TMEFF2: variants seen among roughly 807,000 people sequenced by gnomAD.
The protein encoded by TMEFF2 is transmembrane protein with EGF like and two follistatin like domains 2, also known as tomoregulin-2.
Under a neutral mutation model 53.8 loss-of-function variants are expected in TMEFF2, and 28 were observed. That is an observed-to-expected ratio of 0.52 (90% CI 0.39 to 0.71). TMEFF2 has a LOEUF of 0.71. Among genes scored for constraint, TMEFF2 ranks in the 30% least tolerant of loss-of-function variants. The probability of loss-of-function intolerance (pLI) is 0.00; values close to 1 mark genes in which losing one functional copy is unlikely to be tolerated. For synonymous variants in TMEFF2, 162 were observed against 166.3 expected, an observed-to-expected ratio of 0.97 and a Z score of 0.20; for missense variants, 353 against 455.2, an observed-to-expected ratio of 0.78 and a Z score of 2.04.
At chr2:192,125,446 C>G (rs974943398) in intron 4 of TMEFF2, among the ~76,000 whole-genome samples, 1 of 151,932 alleles carries the variant, frequency 6.6e-6, no homozygotes, top group Non-Finnish European at 1.5e-5. Context: ...TGGGTTTTTC[C>G]ACTTAGACAT....
intron 4 of TMEFF2, among the ~76,000 whole-genome samples, chr2:192,068,022 C>T (rs1469278482): frequency 6.6e-6 from 1 of 151,886 alleles, no homozygotes; most frequent in Non-Finnish European, 1.5e-5. Context: ...ATTAATTAAT[C>T]TAAATGCACT....
chr2:192,057,483 C>G (rs2105903239), intron 5 of TMEFF2, among the ~76,000 whole-genome samples, 196 bp downstream of exon 5: 1 of 152,126 alleles, frequency 6.6e-6, no homozygotes, highest in East Asian at 1.9e-4. Context: ...CAAGTAATGC[C>G]ATGGATAGCT....
At chr2:191,975,139 AT>A (rs1400296393) in intron 7 of TMEFF2, among the ~76,000 whole-genome samples, 3 of 151,514 alleles carry the variant, frequency 2.0e-5, no homozygotes, top group Admixed American at 6.6e-5. Flanking sequence ...AATTAAAAAA[AT>A]ATATAGGAAA....
chr2:192,052,113 A>G (rs539156149), intron 5 of TMEFF2, among the ~76,000 whole-genome samples: 71 of 152,354 alleles, frequency 4.7e-4, no homozygotes, highest in Admixed American at 1.6e-3. Context: ...AGAGAATACT[A>G]CAAAAGCAAA....
intron 4 of TMEFF2, among the ~76,000 whole-genome samples, chr2:192,073,632 T>C (rs1294789854): frequency 6.6e-6 from 1 of 151,966 alleles, no homozygotes; most frequent in African/African-American, 2.4e-5. Context: ...AATGATACAA[T>C]ATCCATATCT....
At chr2:192,138,382 G>A (rs1030918458) in intron 4 of TMEFF2, among the ~76,000 whole-genome samples, 1 of 152,214 alleles carries the variant, frequency 6.6e-6, no homozygotes, top group Non-Finnish European at 1.5e-5. Context: ...ATGTAGGGAT[G>A]ATGCTTTACA....
At chr2:191,991,672 A>G (rs113091547) in intron 7 of TMEFF2, among the ~76,000 whole-genome samples, 23 of 152,218 alleles carry the variant, frequency 1.5e-4, no homozygotes, top group African/African-American at 5.5e-4. Flanking sequence ...TATGGCAGAG[A>G]AGAGTAGATA....
chr2:191,969,812 T>G (rs1165248671), intron 7 of TMEFF2, among the ~76,000 whole-genome samples: 1 of 152,172 alleles, frequency 6.6e-6, no homozygotes, highest in Non-Finnish European at 1.5e-5. Context: ...ATAAAATTAT[T>G]TAAAGAAACA....
At chr2:192,012,875 A>T (rs1224432417) in intron 5 of TMEFF2, among the ~76,000 whole-genome samples, 1 of 152,212 alleles carries the variant, frequency 6.6e-6, no homozygotes, top group Non-Finnish European at 1.5e-5. Context: ...AATGTATACA[A>T]ATTAAAAATA....
rs1574234843 is a variant in TMEFF2, at chr2:191,949,248, C to G, written c.*1063G>C. On this transcript the variant is annotated 3_prime_UTR_variant, in exon 10 of 10. Coordinates refer to ENST00000272771, the MANE Select transcript of TMEFF2 (RefSeq NM_016192.4). ...ATACCAACTTCCCAGTGAGGTCTTTCAGATGCTATAGGATTAATTTTCTTT... is the reference window on the plus strand; with the variant it reads ...ATACCAACTTCCCAGTGAGGTCTTTGAGATGCTATAGGATTAATTTTCTTT... The G allele has an allele frequency of 1.0e-6, 1 of 985,352 alleles. No individual in the cohort carries two copies. Among genetic ancestry groups the G allele is most frequent in the Middle Eastern group, 5.2e-4 (1 of 1,914 alleles). 61.0% of individuals were successfully genotyped at this position (985,352 alleles called of 1,614,324 possible).
At chr2:191,984,501 C>CTGAAATGAGGGAA (rs1356020895) in intron 7 of TMEFF2, among the ~76,000 whole-genome samples, 3 of 152,090 alleles carry the variant, frequency 2.0e-5, no homozygotes, top group African/African-American at 7.2e-5. Context: ...AATGAAATCC[C>CTGAAATGAGGGAA]TGAAATGAGG....
At chr2:192,168,883 C>G (rs985654760) in intron 4 of TMEFF2, among the ~76,000 whole-genome samples, 1 of 151,738 alleles carries the variant, frequency 6.6e-6, no homozygotes, top group Admixed American at 6.6e-5. Flanking sequence ...TGTTACATTG[C>G]CCAGGCTAGA....
intron 5 of TMEFF2, among the ~76,000 whole-genome samples, chr2:192,027,062 C>T (rs1012366277): frequency 6.6e-6 from 1 of 152,106 alleles, no homozygotes; most frequent in African/African-American, 2.4e-5. Flanking sequence ...TCACCCCTAA[C>T]AATAACTTAA....
chr2:192,144,490 A>G (rs1342123578), intron 4 of TMEFF2, among the ~76,000 whole-genome samples: 1 of 152,026 alleles, frequency 6.6e-6, no homozygotes, highest in East Asian at 1.9e-4. Context: ...ATCTTTAGCA[A>G]TTTTAGCTTA....
chr2:192,120,264 T>G (rs974094665), intron 4 of TMEFF2, among the ~76,000 whole-genome samples: 2 of 152,204 alleles, frequency 1.3e-5, no homozygotes, highest in African/African-American at 4.8e-5. Flanking sequence ...TGAAAAGCTA[T>G]GGCAGACCTT....
intron 4 of TMEFF2, among the ~76,000 whole-genome samples, chr2:192,127,264 T>C (rs1689699260): frequency 6.6e-6 from 1 of 152,204 alleles, no homozygotes; most frequent in Non-Finnish European, 1.5e-5. Context: ...CAAGGTATAA[T>C]TTTGTAAATG....
chr2:191,971,484 T>G (rs960308966), intron 7 of TMEFF2, among the ~76,000 whole-genome samples: 3 of 152,152 alleles, frequency 2.0e-5, no homozygotes, highest in African/African-American at 7.2e-5. Flanking sequence ...AATATGACAT[T>G]GATAAATCAA....
intron 4 of TMEFF2, among the ~76,000 whole-genome samples, chr2:192,119,867 A>G (rs1237942450): frequency 6.6e-6 from 1 of 152,192 alleles, no homozygotes; most frequent in African/African-American, 2.4e-5. Flanking sequence ...AACATTATCA[A>G]CTTTGCTGCA....
chr2:191,964,360 C>CTT (rs1382552112), intron 7 of TMEFF2, among the ~76,000 whole-genome samples: 3 of 102,908 alleles, frequency 2.9e-5, no homozygotes, highest in African/African-American at 8.9e-5. Flanking sequence ...TTCTTTCTTT[C>CTT]TTTCTTTCTT....
Sources: allele counts gnomAD v4.1 joint callset (sites outside exome capture counted in the v4.1 genomes callset), GRCh38; gene constraint gnomAD v4.1.1; transcripts MANE v1.5; gene names NCBI Gene and HGNC (gene_info 2026-07-23, HGNC 2026-07-21).